Variants in RSRC2 observed in about 807,000 individuals in gnomAD.
RSRC2 encodes the protein arginine and serine rich coiled-coil 2.
In RSRC2, 5 loss-of-function variants were observed where a neutral mutation model predicts 61.3. That is an observed-to-expected ratio of 0.08 (90% CI 0.04 to 0.17). The LOEUF is 0.17. Ranked by LOEUF, RSRC2 falls within the 10% of genes least tolerant of loss-of-function variation. The pLI, the probability that RSRC2 is intolerant of heterozygous loss-of-function variation, is 1.00. For synonymous variants in RSRC2, 202 were observed against 166.5 expected (o/e 1.21, Z -1.64); for missense variants, 381 against 518.8 (o/e 0.73, Z 2.58).
intron 6 of RSRC2, among the ~76,000 whole-genome samples, chr12:122,511,817 A>T (rs1419643474): frequency 2.6e-5 from 4 of 151,608 alleles, no homozygotes; most frequent in South Asian, 2.1e-4. Context: ...ACAAAAATGA[A>T]TTTTTTTTTG....
chr12:122,521,991 G>A, intron 2 of RSRC2, 152 bp downstream of exon 2: 2 of 727,722 alleles, frequency 2.7e-6, no homozygotes, highest in South Asian at 4.0e-5. Flanking sequence ...TGGCTCAGGT[G>A]ATCTGCCTGC....
chr12:122,519,230 G>A lies in RSRC2; in HGVS notation c.208-201C>T, dbSNP rs1184120990. 5.8e-6 allele frequency: 3 copies of A among 513,476 alleles called. No individual in the cohort carries two copies. The East Asian group carries it at 9.5e-5, about 16-fold the overall frequency. 31.8% of individuals were successfully genotyped at this position (513,476 alleles called of 1,614,324 possible). On this transcript the variant is annotated intron_variant, in intron 3 of 9. Transcript: ENST00000331738. The stretch of plus-strand genomic sequence containing the variant: ...TTTTACTATAAACACCCAAAATGTA[G>A]TTCCTCCCCAAAATATTTTCAATAC...
chr12:122,518,701 AAAAC>A (rs1270760752), intron 4 of RSRC2, 134 bp downstream of exon 4: 12 of 753,214 alleles, frequency 1.6e-5, no homozygotes, highest in African/African-American at 8.7e-5. Flanking sequence ...CCAAAGGCAA[AAAAC>A]AAACAAAACC....
rs6489056 is a variant in RSRC2 at position 122,514,988 on chromosome 12, C to T, written c.725+117G>A. ...TACATAGTTCTAGATCACAAATATG[C>T]CACCATATTACTAAAGTATGTGAAT... On this transcript the variant is annotated intron_variant, in intron 6 of 9. Transcript: ENST00000331738. 596,034 of 1,121,562 alleles carry T rather than the reference C, an allele frequency of 0.53. 161,152 individuals carry two copies. Among genetic ancestry groups the T allele is most frequent in the Non-Finnish European group, 0.55 (427,701 of 778,632 alleles). The allele number at this position is 1,121,562 out of a possible 1,614,324, so 69.5% of individuals were successfully genotyped here.
intron 6 of RSRC2, chr12:122,513,750 A>C: frequency 1.0e-6 from 1 of 983,872 alleles, no homozygotes; most frequent in Non-Finnish European, 1.2e-6. Flanking sequence ...GTGAATGGAA[A>C]GAAGGGGTGA....
chr12:122,525,418 T>C (rs1268745452), intron 1 of RSRC2, among the ~76,000 whole-genome samples: 1 of 152,026 alleles, frequency 6.6e-6, no homozygotes, highest in Non-Finnish European at 1.5e-5. Context: ...AAAATAGTAT[T>C]ACTCTTTAAG....
chr12:122,524,258 T>C (rs1405556309), intron 1 of RSRC2, among the ~76,000 whole-genome samples: 1 of 152,226 alleles, frequency 6.6e-6, no homozygotes, highest in African/African-American at 2.4e-5. Flanking sequence ...CACTTTTTTT[T>C]TTCATCGTTA....
At chr12:122,525,978 C>T (rs1405087363) in intron 1 of RSRC2, among the ~76,000 whole-genome samples, 1 of 52,478 alleles carries the variant, frequency 1.9e-5, no homozygotes, top group Non-Finnish European at 3.4e-5. Context: ...TCCGCCACTA[C>T]GCCCGGCTAA....
intron 6 of RSRC2, chr12:122,514,775 T>A: frequency 9.4e-7 from 1 of 1,065,000 alleles, no homozygotes; most frequent in Non-Finnish European, 1.2e-6. Context: ...TCATCTTAGA[T>A]GAGAAAATAA....
rs1437274932 is a variant in RSRC2 at position 122,505,456 on chromosome 12, G to T, written c.*71C>A. The T allele has an allele frequency of 4.9e-6, 7 of 1,430,202 alleles. No homozygotes were observed. Among genetic ancestry groups the T allele is most frequent in the Middle Eastern group, 3.6e-4 (2 of 5,558 alleles). The allele number at this position is 1,430,202 out of a possible 1,614,324, so 88.6% of individuals were successfully genotyped here. ...ACCCATGCAAGCTAGAGTGCTAGCT[G>T]TTTGGTGAACAAGGACGTGACATCA... is the stretch of plus-strand genomic sequence containing the variant. On this transcript the variant is annotated 3_prime_UTR_variant, in exon 10 of 10. Coordinates refer to ENST00000331738, the MANE Select transcript of RSRC2 (RefSeq NM_023012.6).
At chr12:122,525,508 G>A (rs1404367658) in intron 1 of RSRC2, among the ~76,000 whole-genome samples, 5 of 151,654 alleles carry the variant, frequency 3.3e-5, no homozygotes, top group Non-Finnish European at 4.4e-5. Flanking sequence ...ATAATAGAGG[G>A]GTATGGGGGA....
rs760979311 is a variant in RSRC2 at position 122,522,201 on chromosome 12, A to T, written c.105T>A (p.Ala35=). 1 of 1,613,928 alleles carries T rather than the reference A, an allele frequency of 6.2e-7. No homozygotes were observed. The highest frequency in any genetic ancestry group is 1.1e-5 in the South Asian group (1 of 91,034). The change falls in exon 2 of 10, where the codon GCT becomes GCA. Residue 35 remains alanine, a synonymous_variant. Transcript: ENST00000331738. ...GTGATCTTGAATAATGATGTTTTGA[A>T]GCTCTAGGAGAAACAGATACTTCTG... ...EQSEVSVSPR[A]SKHHYSRSRS... is the part of the protein sequence containing the mutation.
intron 3 of RSRC2, chr12:122,521,147 A>G: frequency 4.7e-6 from 2 of 429,118 alleles, no homozygotes; most frequent in Non-Finnish European, 4.2e-6. Context: ...TCTTCATATG[A>G]AATTTTTATT....
chr12:122,520,436 AC>A (rs911759485), intron 3 of RSRC2: 9 of 911,890 alleles, frequency 9.9e-6, no homozygotes, highest in South Asian at 4.0e-5. Flanking sequence ...TTTAAAAAAA[AC>A]ATTAAAACCC....
chr12:122,516,708 G>C (rs1958958984), intron 5 of RSRC2, among the ~76,000 whole-genome samples: 1 of 152,210 alleles, frequency 6.6e-6, no homozygotes, highest in Non-Finnish European at 1.5e-5. Context: ...GAATTTGTTT[G>C]TTACGACAGG....
At chr12:122,515,510 C>A (rs752601529) in intron 5 of RSRC2, among the ~76,000 whole-genome samples, 3 of 152,094 alleles carry the variant, frequency 2.0e-5, no homozygotes, top group South Asian at 4.1e-4. Flanking sequence ...TACAAGCATG[C>A]CCCACCGCAT....
intron 3 of RSRC2, 141 bp from the exon 4 acceptor site, chr12:122,519,170 C>T: frequency 3.1e-6 from 2 of 645,310 alleles, no homozygotes; most frequent in Non-Finnish European, 2.6e-6. Context: ...TCTAGTTTCA[C>T]ATCACCCAAA....
intron 4 of RSRC2, among the ~76,000 whole-genome samples, chr12:122,518,277 G>A (rs995315816): frequency 1.3e-5 from 2 of 151,956 alleles, no homozygotes; most frequent in African/African-American, 4.8e-5. Context: ...TCTAGTTAGG[G>A]CAACAGAGAG....
intron 6 of RSRC2, among the ~76,000 whole-genome samples, chr12:122,514,127 T>G (rs556001406): frequency 6.6e-6 from 1 of 152,242 alleles, no homozygotes; most frequent in Admixed American, 6.5e-5. Context: ...AGTGCTTGGA[T>G]TTTATTTTAC....
Sources: allele counts gnomAD v4.1 joint callset (sites outside exome capture counted in the v4.1 genomes callset), GRCh38; gene constraint gnomAD v4.1.1; transcripts MANE v1.5; gene names NCBI Gene and HGNC (gene_info 2026-07-23, HGNC 2026-07-21).